Variants in FCRL2 observed in about 807,000 individuals in gnomAD.
The protein encoded by FCRL2 is Fc receptor-like protein 2.
A neutral mutation model predicts 59.8 loss-of-function variants in FCRL2; 48 were observed. The observed-to-expected ratio is 0.80, with a 90% CI of 0.64 to 1.02. The LOEUF (loss-of-function observed/expected upper bound fraction) is 1.02. Among genes scored for constraint, FCRL2 ranks in the 50% least tolerant of loss-of-function variants. The pLI, the probability that FCRL2 is intolerant of heterozygous loss-of-function variation, is 0.00. For synonymous variants in FCRL2, 251 were observed against 229.5 expected (o/e 1.09, Z -0.85); for missense variants, 658 against 597.3 (o/e 1.10, Z -1.06).
intron 5 of FCRL2, chr1:157,767,728 C>T (rs1177160317): frequency 6.6e-7 from 1 of 1,522,032 alleles, no homozygotes; most frequent in Non-Finnish European, 8.8e-7. Context: ...ACACGGTCAT[C>T]TGTTGTTCTC....
chr1:157,771,197 G>A (rs1214717082), intron 2 of FCRL2, among the ~76,000 whole-genome samples: 1 of 152,106 alleles, frequency 6.6e-6, no homozygotes, highest in Non-Finnish European at 1.5e-5. Context: ...CTATTGCAGG[G>A]GTGTCAAGGT....
At chr1:157,754,149 C>T (rs1361668987) in intron 7 of FCRL2, among the ~76,000 whole-genome samples, 2 of 152,046 alleles carry the variant, frequency 1.3e-5, no homozygotes, top group African/African-American at 2.4e-5. Flanking sequence ...CCTACTGGGC[C>T]CCATTCCCAG....
intron 2 of FCRL2, chr1:157,774,307 C>T: frequency 2.6e-6 from 1 of 377,360 alleles, no homozygotes; most frequent in South Asian, 2.0e-5. Flanking sequence ...AAACTTTTCC[C>T]CAGAGCCAAG....
intron 7 of FCRL2, among the ~76,000 whole-genome samples, chr1:157,753,876 C>T (rs748477462): frequency 3.3e-5 from 5 of 152,070 alleles, no homozygotes; most frequent in Admixed American, 2.6e-4. Context: ...GTTTTAGGAG[C>T]TCAGGGGTCA....
intron 7 of FCRL2, among the ~76,000 whole-genome samples, chr1:157,750,491 G>A (rs1648109614): frequency 6.6e-6 from 1 of 152,196 alleles, no homozygotes; most frequent in Non-Finnish European, 1.5e-5. Context: ...CCCCAGTTGT[G>A]CTTCCCATCA....
In FCRL2 at chr1:157,769,912, A is replaced by G. The variant is rs751783978; in HGVS notation, c.549T>C (p.Thr183=). The change falls in exon 4 of 12, where the codon ACT becomes ACC. Residue 183 remains threonine, a synonymous_variant. Coordinates refer to ENST00000361516, the MANE Select transcript of FCRL2 (RefSeq NM_030764.4). The part of the protein sequence containing the change: ...GSYWCKAETV[T]HRIRKQSLQS... ...GGAGGCTCTGTTTTCTGATCCTGTG[A>G]GTCACCGTTTCTGCCTTGCACCAGT... The G allele has an allele frequency of 1.9e-6, 3 of 1,614,024 alleles. No individual in the cohort carries two copies. The African/African-American group carries it at 4.0e-5, about 22-fold the overall frequency.
At chr1:157,759,455 A>C (rs574683995) in intron 7 of FCRL2, among the ~76,000 whole-genome samples, 39 of 152,232 alleles carry the variant, frequency 2.6e-4, no homozygotes, top group Non-Finnish European at 5.3e-4. Context: ...AATGGGACCT[A>C]ATTAAACTAA....
chr1:157,749,087 G>T, intron 8 of FCRL2, 127 bp from the exon 9 acceptor site: 1 of 729,578 alleles, frequency 1.4e-6, no homozygotes. Flanking sequence ...TGATTTTATG[G>T]CCCTTTGTGT....
chr1:157,749,754 G>T (rs948153739), intron 7 of FCRL2, 77 bp from the exon 8 acceptor site: 73 of 1,105,308 alleles, frequency 6.6e-5, no homozygotes, highest in Non-Finnish European at 8.5e-5. Flanking sequence ...ATTTAACTAC[G>T]TATAATCAGC....
chr1:157,773,476 A>C (rs538722602), intron 2 of FCRL2, among the ~76,000 whole-genome samples: 6 of 152,318 alleles, frequency 3.9e-5, no homozygotes, highest in African/African-American at 1.4e-4. Context: ...GGACTCGGGA[A>C]TACTGAATAA....
chr1:157,773,041 C>G (rs1311382428), intron 2 of FCRL2, among the ~76,000 whole-genome samples: 1 of 152,216 alleles, frequency 6.6e-6, no homozygotes, highest in African/African-American at 2.4e-5. Context: ...CCAAGTCCCC[C>G]TTTAAAAGCC....
chr1:157,767,426 C>A lies in FCRL2; in HGVS notation c.967G>T (p.Ala323Ser). 1.2e-6 allele frequency: 2 copies of A among 1,614,234 alleles called. No individual in the cohort carries two copies. Among genetic ancestry groups the A allele is most frequent in the South Asian group, 1.1e-5 (1 of 91,084 alleles). ...VGDLLELHCE[A>S]LRGSPPILYQ... ...AAGATTGGGGGAGAGCCTCTCAGGG[C>A]CTCACAGTGAAGCTCCAGCAGGTCC... Residue 323 changes from alanine (A) to serine (S), a missense_variant, in exon 6 of 12, where the codon GCC becomes TCC. Physicochemically the swap from Ala to Ser is moderately conservative, Grantham distance 99. Coordinates refer to ENST00000361516, the MANE Select transcript of FCRL2 (RefSeq NM_030764.4).
chr1:157,749,924 C>T (rs952259375), intron 7 of FCRL2, among the ~76,000 whole-genome samples: 1 of 152,146 alleles, frequency 6.6e-6, no homozygotes, highest in East Asian at 1.9e-4. Context: ...GCACTGGTAA[C>T]TGTTTCTTTA....
chr1:157,765,887 T>A (rs1472981396), intron 7 of FCRL2, among the ~76,000 whole-genome samples: 1 of 152,228 alleles, frequency 6.6e-6, no homozygotes, highest in African/African-American at 2.4e-5. Flanking sequence ...AGCTTCATTA[T>A]CACACTTGCT....
intron 7 of FCRL2, chr1:157,766,618 G>C (rs1649515193): frequency 1.9e-6 from 1 of 536,204 alleles, no homozygotes; most frequent in African/African-American, 1.9e-5. Context: ...AGCATGGAAA[G>C]AATGTGTAAA....
rs1423709713 is a variant in FCRL2, at chr1:157,767,267, C to T, written c.1126G>A (p.Ala376Thr). 1 of 1,614,002 alleles carries T rather than the reference C, an allele frequency of 6.2e-7. No individual in the cohort carries two copies. Among genetic ancestry groups the T allele is most frequent in the East Asian group, 2.2e-5 (1 of 44,882 alleles). Residue 376 changes from alanine (A) to threonine (T), a missense_variant, in exon 6 of 12, where the codon GCC becomes ACC. Physicochemically the swap from Ala to Thr is moderately conservative, Grantham distance 58. Coordinates refer to ENST00000361516, the MANE Select transcript of FCRL2 (RefSeq NM_030764.4). The stretch of plus-strand genomic sequence containing the variant: ...ACTGGCACTGCCTCACTGCACTGGG[C>T]CCCCAGGCCGTTGTTGGCCTCACAG... Reference protein sequence around the residue: ...YSCEANNGLGAQCSEAVPVSI... With the variant: ...YSCEANNGLGTQCSEAVPVSI...
In FCRL2 at chr1:157,767,741, C is replaced by T. The variant is rs1181114870; in HGVS notation, c.884-232G>A. On this transcript the variant is annotated intron_variant, in intron 5 of 11. Coordinates refer to ENST00000361516, the MANE Select transcript of FCRL2 (RefSeq NM_030764.4). ...AGACACGGTCATCTGTTGTTCTCAT[C>T]TGATTGTTTTCCTGTGCCCATCCAG... 2.7e-6 allele frequency: 4 copies of T among 1,490,682 alleles called. No individual in the cohort carries two copies. The African/African-American group carries it at 4.2e-5, about 16-fold the overall frequency. The allele number at this position is 1,490,682 out of a possible 1,614,324, so 92.3% of individuals were successfully genotyped here.
chr1:157,765,433 C>T (rs953365799), intron 7 of FCRL2, among the ~76,000 whole-genome samples: 11 of 152,178 alleles, frequency 7.2e-5, no homozygotes, highest in East Asian at 1.9e-4. Context: ...TTCTCTCTAA[C>T]CCATTCTACA....
At chr1:157,757,995 C>T (rs1445864251) in intron 7 of FCRL2, among the ~76,000 whole-genome samples, 2 of 152,178 alleles carry the variant, frequency 1.3e-5, no homozygotes, top group African/African-American at 2.4e-5. Context: ...GTTCTTTAAG[C>T]CACCCAATCT....
Sources: allele counts gnomAD v4.1 joint callset (sites outside exome capture counted in the v4.1 genomes callset), GRCh38; gene constraint gnomAD v4.1.1; transcripts MANE v1.5; gene names NCBI Gene and HGNC (gene_info 2026-07-23, HGNC 2026-07-21).